Variants in PATJ observed in about 807,000 individuals in gnomAD.
PATJ encodes the protein PATJ crumbs cell polarity complex component.
In PATJ, 190 loss-of-function variants were observed where a neutral mutation model predicts 224.9. That is an observed-to-expected ratio of 0.84 (90% CI 0.75 to 0.95). PATJ has a LOEUF of 0.95. Among genes scored for constraint, PATJ ranks in the 40% least tolerant of loss-of-function variants. PATJ has a pLI of 0.00. For synonymous variants in PATJ, 769 were observed against 820.3 expected (o/e 0.94, Z 1.07); for missense variants, 2,121 against 2,270.3 (o/e 0.93, Z 1.34).
intron 1 of PATJ, among the ~76,000 whole-genome samples, chr1:61,754,408 T>C (rs1645503786): frequency 6.6e-6 from 1 of 152,106 alleles, no homozygotes; most frequent in African/African-American, 2.4e-5. Context: ...TACTCTTTTT[T>C]GTCATAGCTA....
intron 39 of PATJ, among the ~76,000 whole-genome samples, chr1:62,123,769 G>A (rs1464035616): frequency 7.9e-6 from 1 of 126,944 alleles, no homozygotes; most frequent in East Asian, 6.8e-4. Context: ...GAGGCACCGT[G>A]CCCGGCCAAA....
At chr1:62,121,358 G>C in intron 38 of PATJ, 63 bp downstream of exon 38, 1 of 950,830 alleles carries the variant, frequency 1.1e-6, no homozygotes, top group Non-Finnish European at 1.6e-6. Context: ...AAAAAAATGT[G>C]TTTTTTAAAA....
intron 33 of PATJ, among the ~76,000 whole-genome samples, chr1:62,099,387 G>A (rs1471150971): frequency 1.4e-5 from 1 of 72,180 alleles, no homozygotes; most frequent in Non-Finnish European, 2.5e-5. Flanking sequence ...TGGTCCTCAT[G>A]GGTTTTTCTT....
chr1:61,841,607 T>C (rs1379276070), intron 17 of PATJ, among the ~76,000 whole-genome samples: 1 of 151,522 alleles, frequency 6.6e-6, no homozygotes, highest in Non-Finnish European at 1.5e-5. Flanking sequence ...TGCCTTTTTT[T>C]TTTTTGGGAG....
chr1:62,047,794 T>C (rs1179048092), intron 30 of PATJ, among the ~76,000 whole-genome samples: 2 of 152,238 alleles, frequency 1.3e-5, no homozygotes, highest in Non-Finnish European at 2.9e-5. Flanking sequence ...CTTGGGTATG[T>C]TTATTTCACA....
At chr1:62,092,336 C>T (rs114829426) in intron 33 of PATJ, among the ~76,000 whole-genome samples, 2,252 of 151,948 alleles carry the variant, frequency 0.015, 52 homozygotes, top group African/African-American at 0.051. Flanking sequence ...ACTTTTATTG[C>T]ACCACTACAT....
chr1:61,865,027 A>G (rs550665127), intron 20 of PATJ, among the ~76,000 whole-genome samples: 72 of 152,198 alleles, frequency 4.7e-4, no homozygotes, highest in African/African-American at 1.7e-3. Context: ...CCAAGTTAGT[A>G]CATACATATT....
chr1:61,920,244 T>G (rs1674088706), intron 26 of PATJ, among the ~76,000 whole-genome samples: 1 of 152,148 alleles, frequency 6.6e-6, no homozygotes, highest in Non-Finnish European at 1.5e-5. Context: ...ACTGATACGG[T>G]TTGGCAGTCT....
intron 39 of PATJ, among the ~76,000 whole-genome samples, chr1:62,126,151 A>T (rs985772449): frequency 1.3e-5 from 2 of 152,172 alleles, no homozygotes; most frequent in Non-Finnish European, 2.9e-5. Context: ...AACAGAATTG[A>T]GGATTCGTTT....
chr1:62,028,261 A>C (rs1233883319), intron 29 of PATJ, among the ~76,000 whole-genome samples: 1 of 152,122 alleles, frequency 6.6e-6, no homozygotes, highest in Non-Finnish European at 1.5e-5. Flanking sequence ...GGCTCTTCAC[A>C]GGCATGATCA....
intron 27 of PATJ, among the ~76,000 whole-genome samples, chr1:61,966,686 C>CAAA (rs200855600): frequency 2.3e-5 from 2 of 86,360 alleles, no homozygotes; most frequent in Non-Finnish European, 4.7e-5. Flanking sequence ...GACTTCATCT[C>CAAA]AAAAAAAAAA....
intron 27 of PATJ, among the ~76,000 whole-genome samples, chr1:61,945,364 A>T (rs983092581): frequency 2.3e-4 from 35 of 152,102 alleles, no homozygotes; most frequent in Admixed American, 2.0e-3. Flanking sequence ...TAGGCTCAAA[A>T]TAAAGGGATG....
intron 33 of PATJ, among the ~76,000 whole-genome samples, chr1:62,102,768 G>A (rs907013747): frequency 6.7e-6 from 1 of 150,138 alleles, no homozygotes; most frequent in Non-Finnish European, 1.5e-5. Context: ...GCTGAGATGG[G>A]AGGATTGCTT....
intron 7 of PATJ, among the ~76,000 whole-genome samples, chr1:61,782,801 G>A (rs1647614621): frequency 6.6e-6 from 1 of 152,104 alleles, no homozygotes; most frequent in South Asian, 2.1e-4. Context: ...CATTTTTTTG[G>A]GAGGTACTTT....
intron 9 of PATJ, among the ~76,000 whole-genome samples, chr1:61,793,933 G>T (rs1241125569): frequency 2.5e-3 from 1 of 394 alleles, no homozygotes; most frequent in Non-Finnish European, 0.01. Context: ...ACAGAATCTC[G>T]CTCTTGTTGC....
At chr1:61,952,919 CATA>C in intron 27 of PATJ, among the ~76,000 whole-genome samples, 1 of 152,300 alleles carries the variant, frequency 6.6e-6, no homozygotes, top group Non-Finnish European at 1.5e-5. Context: ...ACTAAGGACT[CATA>C]GTAGTAAACA....
chr1:61,935,707 G>A (rs1170118144), intron 27 of PATJ, among the ~76,000 whole-genome samples: 1 of 151,934 alleles, frequency 6.6e-6, no homozygotes, highest in African/African-American at 2.4e-5. Context: ...AGGAGGATCA[G>A]TTGAACCTGG....
chr1:62,153,270 GTCTC>G (rs1355086853), intron 42 of PATJ, 84 bp from the exon 43 acceptor site: 1 of 1,019,942 alleles, frequency 9.8e-7, no homozygotes, highest in Non-Finnish European at 1.3e-6. Context: ...CAGTATGAAA[GTCTC>G]TCTCAAATCT....
chr1:62,128,965 A>T lies in PATJ; in HGVS notation c.5271+20A>T, dbSNP rs1458288887. The T allele has an allele frequency of 1.3e-6, 2 of 1,524,290 alleles. No individual in the cohort carries two copies. The highest frequency in any genetic ancestry group is 9.1e-7 in the Non-Finnish European group (1 of 1,099,458). 94.4% of individuals were successfully genotyped at this position (1,524,290 alleles called of 1,614,324 possible). On this transcript the variant is annotated intron_variant, in intron 41 of 43. Transcript: ENST00000642238. The stretch of plus-strand genomic sequence containing the variant: ...CTGCAGGTATTGCGATCAACGGAGC[A>T]CGCAGCTGTGCAAGGCAGATAAGTG...
Sources: gnomAD v4.1 joint callset for allele counts (sites outside exome capture counted in the v4.1 genomes callset) on GRCh38, gnomAD v4.1.1 for gene constraint, MANE v1.5 for transcripts, NCBI Gene and HGNC (gene_info 2026-07-23, HGNC 2026-07-21) for gene names.